Variants in UQCC1 observed in about 807,000 individuals in gnomAD.
UQCC1 encodes the protein bFGF-repressed Zic-binding protein.
A neutral mutation model predicts 48.0 loss-of-function variants in UQCC1; 38 were observed. The ratio of observed to expected loss-of-function variants is 0.79; its 90% confidence interval spans 0.61 to 1.04. The LOEUF (loss-of-function observed/expected upper bound fraction) is 1.04. UQCC1 is among the 50% of genes least tolerant of loss of function. The probability of loss-of-function intolerance (pLI) is 0.00; values close to 1 mark genes in which losing one functional copy is unlikely to be tolerated. For synonymous variants in UQCC1, 111 were observed against 129.2 expected (o/e 0.86, Z 0.95); for missense variants, 368 against 381.8 (o/e 0.96, Z 0.30).
At chr20:35,395,336 G>A (rs1397566744) in intron 1 of UQCC1, among the ~76,000 whole-genome samples, 1 of 151,850 alleles carries the variant, frequency 6.6e-6, no homozygotes, top group African/African-American at 2.4e-5. Context: ...ACTCACTGCC[G>A]GTCATAGCAG....
At chr20:35,347,097 A>C in intron 7 of UQCC1, 67 bp downstream of exon 7, 1 of 1,614,186 alleles carries the variant, frequency 6.2e-7, no homozygotes, top group Non-Finnish European at 8.5e-7. Context: ...TTTACAACAG[A>C]TAAAACTCCA....
At position 35,366,592 on chromosome 20, in the gene UQCC1, G is replaced by C. The variant is rs1263152671; in HGVS notation, c.429C>G (p.Phe143Leu). The C allele has an allele frequency of 4.3e-6, 7 of 1,613,738 alleles. No homozygotes were observed. Among genetic ancestry groups the C allele is most frequent in the Non-Finnish European group, 5.9e-6 (7 of 1,179,862 alleles). ...GTAGGGTTATAAGAAACCATGAATT[G>C]AATGTATCAGGCATCTGACACCCTA... The part of the protein sequence containing the change: ...FFLRCQMPDT[F>L]NSWFLITLLH... Residue 143 changes from phenylalanine to leucine, a missense_variant, in exon 6 of 10, where the codon TTC becomes TTG. Transcript: ENST00000374385.
intron 7 of UQCC1, among the ~76,000 whole-genome samples, chr20:35,320,765 A>G (rs2061115503): frequency 6.6e-6 from 1 of 152,264 alleles, no homozygotes. Context: ...GATGAGCATG[A>G]AGGTGAGAAT....
rs4911487 is a variant in UQCC1, at chr20:35,313,856, C to A, written c.651+832G>T. The stretch of plus-strand genomic sequence containing the variant: ...CTCCTGACCTCAGCTGATCCACCCA[C>A]CTCGGCCTCCCAAGGTGCTGGGATT... On this transcript the variant is annotated intron_variant, in intron 8 of 9. Coordinates refer to ENST00000374385, the MANE Select transcript of UQCC1 (RefSeq NM_018244.5). Among the ~76,000 whole-genome samples, 1,033 of 152,320 alleles carry A rather than the reference C, an allele frequency of 6.8e-3. 9 individuals are homozygous for A. The highest frequency in any genetic ancestry group is 0.039 in the East Asian group (204 of 5,186).
chr20:35,374,135 T>C, intron 5 of UQCC1, 49 bp downstream of exon 5: 1 of 1,459,250 alleles, frequency 6.9e-7, no homozygotes, highest in Non-Finnish European at 9.5e-7. Context: ...ACCATAAAAA[T>C]GAAATGTAGA....
chr20:35,313,427 T>C (rs1273572343), intron 8 of UQCC1, among the ~76,000 whole-genome samples: 2 of 147,964 alleles, frequency 1.4e-5, no homozygotes, highest in Non-Finnish European at 3.0e-5. Flanking sequence ...TGTCCTGATG[T>C]GGAAGGACAC....
At chr20:35,321,283 T>TGTGTGTGTGTGTGTGCGCGC (rs1389196330) in intron 7 of UQCC1, among the ~76,000 whole-genome samples, 6 of 141,588 alleles carry the variant, frequency 4.2e-5, no homozygotes, top group African/African-American at 1.7e-4. Context: ...TGTGTGTGTG[T>TGTGTGTGTGTGTGTGCGCGC]GCGCGCGCGC....
Position 35,374,169 on chromosome 20 carries a change from C to T in UQCC1, c.406+15G>A. 6.2e-7 allele frequency: 1 copy of T among 1,600,970 alleles called. No individual in the cohort carries two copies. The highest frequency in any genetic ancestry group is 1.3e-5 in the African/African-American group (1 of 74,700). On this transcript the variant is annotated intron_variant, in intron 5 of 9. Coordinates refer to ENST00000374385, the MANE Select transcript of UQCC1 (RefSeq NM_018244.5). Reference sequence around the variant, plus strand: ...GATTTGTTCTCCTTTTCAGTACTATCAAACAATAACTTACTTAGAAAGAAT... The same window carrying T: ...GATTTGTTCTCCTTTTCAGTACTATTAAACAATAACTTACTTAGAAAGAAT...
intron 6 of UQCC1, among the ~76,000 whole-genome samples, chr20:35,362,478 T>C (rs2061617084): frequency 6.6e-6 from 1 of 152,176 alleles, no homozygotes; most frequent in Admixed American, 6.5e-5. Flanking sequence ...TGCTTTAGCC[T>C]CCTGAGTAGC....
intron 2 of UQCC1, among the ~76,000 whole-genome samples, chr20:35,390,505 G>A (rs1227472354): frequency 6.6e-6 from 1 of 151,396 alleles, no homozygotes; most frequent in African/African-American, 2.4e-5. Context: ...AGTTTTGCAA[G>A]ATGAAAAAGT....
intron 4 of UQCC1, among the ~76,000 whole-genome samples, chr20:35,379,160 A>T (rs1259652433): frequency 6.6e-6 from 1 of 152,250 alleles, no homozygotes; most frequent in African/African-American, 2.4e-5. Context: ...GTAATTTTTT[A>T]AAATGATGAT....
chr20:35,401,790 C>A (rs568847122), intron 1 of UQCC1, among the ~76,000 whole-genome samples: 113 of 151,462 alleles, frequency 7.5e-4, no homozygotes, highest in African/African-American at 2.6e-3. Context: ...GCCTCCCGAG[C>A]AGCTGGGATT....
intron 5 of UQCC1, among the ~76,000 whole-genome samples, chr20:35,373,566 C>T (rs1254090478): frequency 6.6e-6 from 1 of 151,854 alleles, no homozygotes; most frequent in Admixed American, 6.6e-5. Context: ...GTAATCCCAG[C>T]TATTCGGGAG....
intron 6 of UQCC1, among the ~76,000 whole-genome samples, chr20:35,353,961 A>G (rs535250209): frequency 1.3e-5 from 2 of 152,258 alleles, no homozygotes; most frequent in South Asian, 4.1e-4. Flanking sequence ...TTTTTACTGT[A>G]CTTTTTGTAT....
rs1363430446 is a variant in UQCC1, at chr20:35,304,009, G to A, written c.826C>T (p.Arg276Cys). The change falls in exon 10 of 10, where the codon CGC (arginine) becomes TGC (cysteine). Residue 276 changes from arginine to cysteine, a missense_variant. Transcript: ENST00000374385. ...DLLLTGEVSW[R>C]PLVEKNPQSI... ...TGAGGATTCTTCTCCACTAGAGGGC[G>A]CCAGCTCACCTCCCCTGTCAGAAGC... is the stretch of plus-strand genomic sequence containing the variant. The A allele has an allele frequency of 6.2e-7, 1 of 1,614,030 alleles. No individual in the cohort carries two copies. Among genetic ancestry groups the A allele is most frequent in the African/African-American group, 1.3e-5 (1 of 74,910 alleles).
chr20:35,323,751 GAT>G (rs778261723), intron 7 of UQCC1, among the ~76,000 whole-genome samples: 19 of 152,212 alleles, frequency 1.2e-4, no homozygotes, highest in Non-Finnish European at 1.9e-4. Context: ...TGGGTCAGTA[GAT>G]CTTAGAAGTA....
In UQCC1 at chr20:35,374,246, A is replaced by G. The variant is rs1402220231; in HGVS notation, c.344T>C (p.Ile115Thr). The change falls in exon 5 of 10, where the codon ATT (isoleucine) becomes ACT (threonine). Residue 115 changes from isoleucine (I) to threonine (T), a missense_variant. Physicochemically the swap from Ile to Thr is moderately conservative, Grantham distance 89 (BLOSUM62 -1). Transcript: ENST00000374385. ...PLKYSKWKIK[I>T]AALRMYTSCV... is the part of the protein sequence containing the mutation. ...GCTAGTATACATGCGCAGGGCCGCA[A>G]TCTTAATCTTCTAGACAAAGAGAAT... The G allele has an allele frequency of 1.9e-6, 3 of 1,611,812 alleles. No individual in the cohort carries two copies. Among genetic ancestry groups the G allele is most frequent in the African/African-American group, 1.3e-5 (1 of 74,842 alleles).
chr20:35,380,264 T>C (rs725908), intron 4 of UQCC1, among the ~76,000 whole-genome samples: 72,847 of 152,008 alleles, frequency 0.48, 20,901 homozygotes, highest in East Asian at 0.71. Context: ...AATTATCAAG[T>C]GTCAAAAATT....
Position 35,392,450 on chromosome 20 carries a change from T to A in UQCC1, c.129+1642A>T, listed in dbSNP as rs76453083. Among the ~76,000 whole-genome samples, 1,039 of 152,288 alleles carry A rather than the reference T, an allele frequency of 6.8e-3. 16 individuals carry two copies. Among genetic ancestry groups the A allele is most frequent in the African/African-American group, 0.024 (993 of 41,564 alleles). ...AGCCTAATACAGTACCCGGTACTTA[T>A]TAGGTGCTCAAGAAACGTTTACTGA... is the stretch of plus-strand genomic sequence containing the variant. On this transcript the variant is annotated intron_variant, in intron 2 of 9. Coordinates refer to ENST00000374385, the MANE Select transcript of UQCC1 (RefSeq NM_018244.5).
Sources: gnomAD v4.1 joint callset for allele counts (sites outside exome capture counted in the v4.1 genomes callset) on GRCh38, gnomAD v4.1.1 for gene constraint, MANE v1.5 for transcripts, NCBI Gene and HGNC (gene_info 2026-07-23, HGNC 2026-07-21) for gene names.